The following CHURC1 variants were observed in gnomAD, a reference collection of about 807,000 sequenced individuals.
CHURC1 encodes the protein churchill domain containing 1, also known as protein Churchill.
Under a neutral mutation model 15.4 loss-of-function variants are expected in CHURC1, and 12 were observed. The observed-to-expected ratio is 0.78, with a 90% CI of 0.50 to 1.27. The LOEUF (loss-of-function observed/expected upper bound fraction) is 1.27. CHURC1 is among the 50% of genes most tolerant of loss of function. CHURC1 has a pLI of 0.00. For synonymous variants in CHURC1, 42 were observed against 47.5 expected (o/e 0.88, Z 0.48); for missense variants, 132 against 137.8 (o/e 0.96, Z 0.21).
intron 3 of CHURC1, among the ~76,000 whole-genome samples, chr14:64,927,709 T>TCC (rs780528509): frequency 7.2e-3 from 320 of 44,666 alleles, no homozygotes; most frequent in African/African-American, 0.026. Context: ...AGTCTACTTC[T>TCC]CCCCCCACCC....
intron 1 of CHURC1, among the ~76,000 whole-genome samples, chr14:64,922,402 C>T (rs1884366936): frequency 6.6e-6 from 1 of 151,750 alleles, no homozygotes; most frequent in Non-Finnish European, 1.5e-5. Flanking sequence ...CATAGTGAAA[C>T]CCCATCTCTA....
At chr14:64,930,055 T>C (rs1210342792) in intron 3 of CHURC1, among the ~76,000 whole-genome samples, 1 of 150,492 alleles carries the variant, frequency 6.6e-6, no homozygotes, top group Non-Finnish European at 1.5e-5. Context: ...GGAGTCAGAA[T>C]TAACAGGGAC....
Position 64,933,232 on chromosome 14 carries a change from G to C in CHURC1, c.*1002G>C, listed in dbSNP as rs1885172570. The C allele has an allele frequency of 3.3e-6, 1 of 298,804 alleles. No homozygotes were observed. The highest frequency in any genetic ancestry group is 2.3e-5 in the African/African-American group (1 of 44,162). 18.5% of individuals were successfully genotyped at this position (298,804 alleles called of 1,614,324 possible). On this transcript the variant is annotated 3_prime_UTR_variant, in exon 4 of 4. Coordinates refer to ENST00000549115, the MANE Select transcript of CHURC1 (RefSeq NM_001386928.1). ...TCTGAGACATGGTCACAGCCAAGAG[G>C]AGCCTGAGAAGACATGACTGCTAGA...
At chr14:64,916,042 G>T (rs1346006924) in intron 1 of CHURC1, among the ~76,000 whole-genome samples, 1 of 152,144 alleles carries the variant, frequency 6.6e-6, no homozygotes, top group Non-Finnish European at 1.5e-5. Flanking sequence ...CAATACATGG[G>T]ACAGCCACCA....
intron 3 of CHURC1, among the ~76,000 whole-genome samples, chr14:64,931,593 A>G (rs368914300): frequency 1.1e-4 from 17 of 152,206 alleles, no homozygotes; most frequent in East Asian, 5.8e-4. Flanking sequence ...AATCTCCTCT[A>G]TTACCAATCT....
chr14:64,930,826 T>G (rs1442414747), intron 3 of CHURC1: 2 of 455,288 alleles, frequency 4.4e-6, no homozygotes, highest in Non-Finnish European at 8.8e-6. Flanking sequence ...CAATGCCTGG[T>G]GGGTTGAAGC....
At chr14:64,930,379 A>G (rs1165699900) in intron 3 of CHURC1, among the ~76,000 whole-genome samples, 1 of 152,170 alleles carries the variant, frequency 6.6e-6, no homozygotes, top group African/African-American at 2.4e-5. Context: ...ACTTCTATAT[A>G]TGGTTAGATT....
intron 3 of CHURC1, among the ~76,000 whole-genome samples, chr14:64,929,633 G>A (rs1268325840): frequency 6.6e-6 from 1 of 152,074 alleles, no homozygotes; most frequent in African/African-American, 2.4e-5. Context: ...GCAGAATAGT[G>A]TACTAATGTA....
intron 1 of CHURC1, among the ~76,000 whole-genome samples, chr14:64,917,218 G>A (rs547687456): frequency 4.3e-4 from 65 of 152,196 alleles, no homozygotes; most frequent in African/African-American, 1.5e-3. Context: ...GATCACTTGA[G>A]CCCAGGAGTT....
At position 64,934,686 on chromosome 14, in the gene CHURC1, T is replaced by C; in HGVS notation, c.*2456T>C. On this transcript the variant is annotated 3_prime_UTR_variant, in exon 4 of 4. Transcript: ENST00000549115. ...TGAATCCAGAAAGCAGAGAAAATGC[T>C]TCATTACTTTAAATAGCAGCATTAA... 2.0e-6 allele frequency: 2 copies of C among 985,468 alleles called. No homozygotes were observed. Among genetic ancestry groups the C allele is most frequent in the Non-Finnish European group, 2.4e-6 (2 of 829,938 alleles). The allele number at this position is 985,468 out of a possible 1,614,324, so 61.0% of individuals were successfully genotyped here. A position where few individuals can be genotyped will look rare whatever the true frequency, so the allele number is the denominator to read the frequency against.
At chr14:64,922,533 G>A (rs1000469258) in intron 1 of CHURC1, among the ~76,000 whole-genome samples, 1 of 145,138 alleles carries the variant, frequency 6.9e-6, no homozygotes, top group Non-Finnish European at 1.5e-5. Context: ...AGCCGAGAGT[G>A]TGCCACTGCA....
chr14:64,931,724 G>A (rs1171298055), intron 3 of CHURC1, among the ~76,000 whole-genome samples: 3 of 152,106 alleles, frequency 2.0e-5, no homozygotes, highest in Non-Finnish European at 4.4e-5. Context: ...TTTTCCTAGG[G>A]TAGATAAAAA....
At chr14:64,922,730 A>T (rs1048315283) in intron 1 of CHURC1, among the ~76,000 whole-genome samples, 4 of 150,904 alleles carry the variant, frequency 2.7e-5, no homozygotes, top group African/African-American at 7.4e-5. Flanking sequence ...GATTTCTCCC[A>T]CTAGAATTAA....
At chr14:64,931,600 A>G (rs1010401981) in intron 3 of CHURC1, among the ~76,000 whole-genome samples, 8 of 152,250 alleles carry the variant, frequency 5.3e-5, no homozygotes, top group South Asian at 2.1e-4. Flanking sequence ...TCTATTACCA[A>G]TCTGGGCATT....
At chr14:64,925,745 C>G (rs900360782) in intron 2 of CHURC1, among the ~76,000 whole-genome samples, 1 of 131,532 alleles carries the variant, frequency 7.6e-6, no homozygotes, top group African/African-American at 3.0e-5. Flanking sequence ...TTTAAAAATA[C>G]ACTTAAATAT....
Position 64,932,372 on chromosome 14 carries a change from A to G in CHURC1, c.*142A>G. On this transcript the variant is annotated 3_prime_UTR_variant, in exon 4 of 4. Transcript: ENST00000549115. ...GACTTACTTATTCTTTGAGGAAAAAAGGTAATGTAGGAGCTCATTGTTCTC... is the reference window on the plus strand; with the variant it reads ...GACTTACTTATTCTTTGAGGAAAAAGGGTAATGTAGGAGCTCATTGTTCTC... 2 of 1,425,284 alleles carry G rather than the reference A, an allele frequency of 1.4e-6. No homozygotes were observed. The highest frequency in any genetic ancestry group is 1.8e-6 in the Non-Finnish European group (2 of 1,087,468). 88.3% of individuals were successfully genotyped at this position (1,425,284 alleles called of 1,614,324 possible).
rs79090176 is a variant in CHURC1, at chr14:64,931,062, C to T, written c.247-1076C>T. On this transcript the variant is annotated intron_variant, in intron 3 of 3. Coordinates refer to ENST00000549115, the MANE Select transcript of CHURC1 (RefSeq NM_001386928.1). Reference sequence around the variant, plus strand: ...TCTAAACCTAAGAAACACAAACTGCCTTGACTGATCAATTTCCAGACAGCT... The same window carrying T: ...TCTAAACCTAAGAAACACAAACTGCTTTGACTGATCAATTTCCAGACAGCT... 324 of 211,900 alleles carry T rather than the reference C, an allele frequency of 1.5e-3. 2 individuals are homozygous for T. Among genetic ancestry groups the T allele is most frequent in the African/African-American group, 7.1e-3 (304 of 42,592 alleles). The allele number at this position is 211,900 out of a possible 1,614,324, so 13.1% of individuals were successfully genotyped here. A position where few individuals can be genotyped will look rare whatever the true frequency, so the allele number is the denominator to read the frequency against.
Position 64,932,349 on chromosome 14 carries a change from C to A in CHURC1, c.*119C>A. On this transcript the variant is annotated 3_prime_UTR_variant, in exon 4 of 4. Transcript: ENST00000549115. ...TTTGCATATTTTTTTTCTGCTTAGA[C>A]TTACTTATTCTTTGAGGAAAAAAGG... 1 of 1,469,470 alleles carries A rather than the reference C, an allele frequency of 6.8e-7. No individual in the cohort carries two copies. Among genetic ancestry groups the A allele is most frequent in the Non-Finnish European group, 9.0e-7 (1 of 1,108,334 alleles). 91.0% of individuals were successfully genotyped at this position (1,469,470 alleles called of 1,614,324 possible).
In CHURC1 at chr14:64,933,601, A is replaced by C; in HGVS notation, c.*1371A>C. 4 of 982,724 alleles carry C rather than the reference A, an allele frequency of 4.1e-6. No individual in the cohort carries two copies. Among genetic ancestry groups the C allele is most frequent in the Non-Finnish European group, 4.8e-6 (4 of 827,506 alleles). 60.9% of individuals were successfully genotyped at this position (982,724 alleles called of 1,614,324 possible). A position where few individuals can be genotyped will look rare whatever the true frequency, so the allele number is the denominator to read the frequency against. On this transcript the variant is annotated 3_prime_UTR_variant, in exon 4 of 4. Transcript: ENST00000549115. ...TATTGTTAGGAGATTTAAATGAATT[A>C]GTGAATGTAAGATACTTTAGAAAGC...
Sources: gnomAD v4.1 joint callset for allele counts (sites outside exome capture counted in the v4.1 genomes callset) on GRCh38, gnomAD v4.1.1 for gene constraint, MANE v1.5 for transcripts, NCBI Gene and HGNC (gene_info 2026-07-23, HGNC 2026-07-21) for gene names.